The following CAMSAP2 variants were observed in gnomAD, a reference collection of about 807,000 sequenced individuals.
CAMSAP2 encodes calmodulin regulated spectrin associated protein family member 2.
Under a neutral mutation model 146.1 loss-of-function variants are expected in CAMSAP2, and 26 were observed. That is an observed-to-expected ratio of 0.18 (90% CI 0.13 to 0.25). CAMSAP2 has a LOEUF of 0.25. Among genes scored for constraint, CAMSAP2 ranks in the 10% least tolerant of loss-of-function variants. The pLI is 1.00. For missense variants in CAMSAP2, 1,381 were observed against 1,759.3 expected, an observed-to-expected ratio of 0.78 and a Z score of 3.85; for synonymous variants, 499 against 596.6, an observed-to-expected ratio of 0.84 and a Z score of 2.38.
chr1:200,775,794 G>C (rs930466328), intron 2 of CAMSAP2, among the ~76,000 whole-genome samples: 2 of 152,168 alleles, frequency 1.3e-5, no homozygotes, highest in Non-Finnish European at 2.9e-5. Flanking sequence ...GCCTCCCAAA[G>C]TGCTGGGATT....
intron 2 of CAMSAP2, among the ~76,000 whole-genome samples, chr1:200,778,741 C>T (rs1665350785): frequency 6.6e-6 from 1 of 151,576 alleles, no homozygotes; most frequent in Non-Finnish European, 1.5e-5. Context: ...GAAACTAAAT[C>T]CGGCTACAGT....
In CAMSAP2 at chr1:200,848,627, C is replaced by A. The variant is rs1198074366; in HGVS notation, c.1858C>A (p.Pro620Thr). The change falls in exon 11 of 17, where the codon CCT becomes ACT. Residue 620 changes from proline to threonine, a missense_variant. By Grantham distance (38) the Pro-to-Thr change is conservative. Transcript: ENST00000358823. Reference sequence around the variant, plus strand: ...AATTCACGTTCCTTCAGAAGATATTCCTGAAACTATGGACGAAGATTCTTC... The same window carrying A: ...AATTCACGTTCCTTCAGAAGATATTACTGAAACTATGGACGAAGATTCTTC... ...TGIHVPSEDI[P>T]ETMDEDSSLR... is the part of the protein sequence containing the mutation. 1.2e-6 allele frequency: 2 copies of A among 1,613,956 alleles called. No individual in the cohort carries two copies.
intron 1 of CAMSAP2, among the ~76,000 whole-genome samples, chr1:200,750,625 ATCTT>A (rs1558159785): frequency 9.3e-6 from 1 of 107,268 alleles, no homozygotes; most frequent in Non-Finnish European, 1.9e-5. Flanking sequence ...AGATAGATAC[ATCTT>A]TTTTTTTTTT....
At chr1:200,801,569 G>A (rs1268402132) in intron 2 of CAMSAP2, among the ~76,000 whole-genome samples, 3 of 152,142 alleles carry the variant, frequency 2.0e-5, no homozygotes, top group African/African-American at 7.2e-5. Flanking sequence ...CAGGTGTACC[G>A]ATCAAACGTA....
intron 2 of CAMSAP2, among the ~76,000 whole-genome samples, chr1:200,784,859 G>A (rs1665540431): frequency 1.3e-5 from 2 of 152,186 alleles, no homozygotes; most frequent in African/African-American, 4.8e-5. Context: ...ATTGTTAAAT[G>A]TGATATTATC....
intron 2 of CAMSAP2, among the ~76,000 whole-genome samples, chr1:200,797,438 T>C (rs1363141101): frequency 6.7e-6 from 1 of 150,214 alleles, no homozygotes; most frequent in Non-Finnish European, 1.5e-5. Flanking sequence ...TGAGCATTTT[T>C]TCATGTGTTT....
intron 1 of CAMSAP2, among the ~76,000 whole-genome samples, chr1:200,759,245 T>C (rs1664732190): frequency 6.6e-6 from 1 of 152,014 alleles, no homozygotes; most frequent in Admixed American, 6.6e-5. Flanking sequence ...GGCTCTTTTT[T>C]TTCTGACTAA....
chr1:200,756,177 G>C lies in CAMSAP2; in HGVS notation c.140-4662G>C, dbSNP rs544808356. 2.0e-5 allele frequency among the ~76,000 whole-genome samples: 3 copies of C among 152,298 alleles called. No homozygotes were observed. The East Asian group carries it at 5.8e-4, about 29-fold the overall frequency. On this transcript the variant is annotated intron_variant, in intron 1 of 16. Coordinates refer to ENST00000358823, the MANE Select transcript of CAMSAP2 (RefSeq NM_203459.4). ...CCCATCAAGTAAATGGCTGGGCCGG[G>C]CATGGTGGCTGGTGCCTGTAATCCC... is the stretch of plus-strand genomic sequence containing the variant.
At chr1:200,827,450 C>G (rs1666933021) in intron 4 of CAMSAP2, among the ~76,000 whole-genome samples, 1 of 152,180 alleles carries the variant, frequency 6.6e-6, no homozygotes. Flanking sequence ...GCTTCCTGCT[C>G]TTTGGTCCTG....
chr1:200,817,018 GTA>G (rs536877558), intron 4 of CAMSAP2, among the ~76,000 whole-genome samples: 6 of 137,122 alleles, frequency 4.4e-5, no homozygotes, highest in Non-Finnish European at 1.6e-5. Context: ...ACATACACAC[GTA>G]TATATGTGTA....
At chr1:200,850,672 A>G (rs1389453283) in intron 11 of CAMSAP2, among the ~76,000 whole-genome samples, 1 of 152,202 alleles carries the variant, frequency 6.6e-6, no homozygotes, top group African/African-American at 2.4e-5. Context: ...GAAGAAAATC[A>G]TTAGTATAAA....
chr1:200,843,535 A>G (rs1017827168), intron 7 of CAMSAP2, among the ~76,000 whole-genome samples: 10 of 152,190 alleles, frequency 6.6e-5, no homozygotes, highest in African/African-American at 2.4e-4. Context: ...TATTTGTATA[A>G]TTTTTAAAAA....
At chr1:200,801,239 G>A (rs984555770) in intron 2 of CAMSAP2, among the ~76,000 whole-genome samples, 1 of 151,636 alleles carries the variant, frequency 6.6e-6, no homozygotes, top group Admixed American at 6.6e-5. Context: ...ACTCCAGCCT[G>A]GAGACAGAGC....
chr1:200,785,598 C>G (rs1004718468), intron 2 of CAMSAP2, among the ~76,000 whole-genome samples: 1 of 152,138 alleles, frequency 6.6e-6, no homozygotes, highest in African/African-American at 2.4e-5. Context: ...CCATGTTTGC[C>G]AGGCCGGTCT....
chr1:200,850,534 A>AT (rs1311951167), intron 11 of CAMSAP2, among the ~76,000 whole-genome samples: 1 of 152,212 alleles, frequency 6.6e-6, no homozygotes, highest in Non-Finnish European at 1.5e-5. Flanking sequence ...TCAGAGAATG[A>AT]TTCCATTTTG....
chr1:200,832,348 G>A lies in CAMSAP2; in HGVS notation c.787+7G>A, dbSNP rs370139553. 7.4e-5 allele frequency: 119 copies of A among 1,606,584 alleles called. No homozygotes were observed. Among genetic ancestry groups the A allele is most frequent in the Non-Finnish European group, 9.4e-5 (111 of 1,177,172 alleles). ...GATGTTGTCAGATTAGAGGGTAAGT[G>A]TTCCATTGTAATACTTCTGAACTGT... On this transcript the variant is annotated splice_region_variant and intron_variant, in intron 5 of 16. Coordinates refer to ENST00000358823, the MANE Select transcript of CAMSAP2 (RefSeq NM_203459.4). The surrounding 1 kb of genome is among the most constrained non-coding windows in gnomAD (Gnocchi z 4.2).
At chr1:200,749,836 T>C (rs1036428733) in intron 1 of CAMSAP2, among the ~76,000 whole-genome samples, 11 of 152,308 alleles carry the variant, frequency 7.2e-5, no homozygotes, top group Admixed American at 2.6e-4. Context: ...CCAGACTGAA[T>C]GGATCACTGG....
At position 200,853,546 on chromosome 1, in the gene CAMSAP2, T is replaced by C; in HGVS notation, c.3823+51T>C. ...TGTTCATAAAAAACACCAGCTTGATTGGTTTGTCATACTAACTTGGTTGTA... is the reference window on the plus strand; with the variant it reads ...TGTTCATAAAAAACACCAGCTTGATCGGTTTGTCATACTAACTTGGTTGTA... On this transcript the variant is annotated intron_variant, in intron 13 of 16. Transcript: ENST00000358823. This position sits in a 1 kb window ranked among gnomAD's most constrained non-coding sequence, Gnocchi z 5.1. 6 of 1,379,148 alleles carry C rather than the reference T, an allele frequency of 4.4e-6. No individual in the cohort carries two copies. The highest frequency in any genetic ancestry group is 6.1e-6 in the Non-Finnish European group (6 of 980,780). The allele number at this position is 1,379,148 out of a possible 1,614,324, so 85.4% of individuals were successfully genotyped here.
chr1:200,755,643 G>A (rs945534297), intron 1 of CAMSAP2, among the ~76,000 whole-genome samples: 3 of 152,124 alleles, frequency 2.0e-5, no homozygotes, highest in Non-Finnish European at 4.4e-5. Context: ...ACTTTTAATT[G>A]GTACCTTCTT....
Sources: allele counts gnomAD v4.1 joint callset (sites outside exome capture counted in the v4.1 genomes callset), GRCh38; gene constraint gnomAD v4.1.1; non-coding constraint Gnocchi (gnomAD v3.1); transcripts MANE v1.5; gene names NCBI Gene and HGNC (gene_info 2026-07-23, HGNC 2026-07-21).